CLASP2: variants seen among roughly 807,000 people sequenced by gnomAD.
The protein encoded by CLASP2 is CLIP-associating protein 2.
Under a neutral mutation model 194.4 loss-of-function variants are expected in CLASP2, and 47 were observed. The ratio of observed to expected loss-of-function variants is 0.24; its 90% CI spans 0.19 to 0.31. CLASP2 has a LOEUF of 0.31. CLASP2 is among the 10% of genes least tolerant of loss of function. The probability of loss-of-function intolerance (pLI) is 1.00; values close to 1 mark genes in which losing one functional copy is unlikely to be tolerated. For synonymous variants in CLASP2, 619 were observed against 633.5 expected (o/e 0.98, Z 0.34); for missense variants, 1,445 against 1,823.6 (o/e 0.79, Z 3.78).
intron 12 of CLASP2, among the ~76,000 whole-genome samples, chr3:33,617,250 G>C (rs1181356113): frequency 6.6e-6 from 1 of 151,766 alleles, no homozygotes; most frequent in Non-Finnish European, 1.5e-5. Context: ...TTTTTTAACA[G>C]GAAAGGACAA....
intron 6 of CLASP2, among the ~76,000 whole-genome samples, chr3:33,675,069 C>G (rs2088249390): frequency 6.6e-6 from 1 of 152,166 alleles, no homozygotes; most frequent in African/African-American, 2.4e-5. Flanking sequence ...AAGAGGGAAT[C>G]CTCCCTAACT....
At chr3:33,564,018 T>C (rs2062225983) in intron 27 of CLASP2, 1 of 430,748 alleles carries the variant, frequency 2.3e-6, no homozygotes, top group Non-Finnish European at 4.6e-6. Context: ...GGATTGCAAG[T>C]CAGGGCCACT....
intron 28 of CLASP2, among the ~76,000 whole-genome samples, chr3:33,560,492 C>T (rs1276409976): frequency 6.6e-5 from 10 of 152,164 alleles, no homozygotes; most frequent in Admixed American, 5.2e-4. Context: ...ATCTGCCTGC[C>T]TCAGCCTCCC....
intron 1 of CLASP2, among the ~76,000 whole-genome samples, chr3:33,708,154 GT>G (rs1191729633): frequency 1.3e-5 from 2 of 151,888 alleles, no homozygotes; most frequent in East Asian, 3.9e-4. Context: ...TGTGCATTAG[GT>G]TTCCAGAACT....
Position 33,517,893 on chromosome 3 carries a change from A to T in CLASP2, c.3788-719T>A, listed in dbSNP as rs144947449. On this transcript the variant is annotated intron_variant, in intron 34 of 38. Transcript: ENST00000682230. The stretch of plus-strand genomic sequence containing the variant: ...AGTCTGGAACTCCTGGGCTCAAGTG[A>T]TCTACTGGCCTCCCAAAGTGTTGGG... 3.3e-3 allele frequency among the ~76,000 whole-genome samples: 509 copies of T among 152,192 alleles called. 1 individual carries two copies. Among genetic ancestry groups the T allele is most frequent in the Non-Finnish European group, 5.8e-3 (395 of 68,006 alleles).
intron 30 of CLASP2, among the ~76,000 whole-genome samples, chr3:33,550,691 C>A (rs1028162893): frequency 2.6e-5 from 4 of 150,956 alleles, no homozygotes; most frequent in African/African-American, 9.7e-5. Context: ...AAATTATCAA[C>A]TCCAGGAAAA....
At chr3:33,672,830 GA>G (rs2087634358) in intron 6 of CLASP2, among the ~76,000 whole-genome samples, 2 of 152,188 alleles carry the variant, frequency 1.3e-5, no homozygotes. Flanking sequence ...TCAACTGGAA[GA>G]AAGGGTATCA....
chr3:33,604,123 GGT>G lies in CLASP2; in HGVS notation c.1750+29_1750+30del, dbSNP rs1327780860. 4 of 1,481,638 alleles carry G rather than the reference GGT, an allele frequency of 2.7e-6. No homozygotes were observed. In the Admixed American group the frequency reaches 8.0e-5, roughly 30 times the overall value. The allele number at this position is 1,481,638 out of a possible 1,614,324, so 91.8% of individuals were successfully genotyped here. On this transcript the variant is annotated intron_variant, in intron 17 of 38. Transcript: ENST00000682230. ...AGGCTACTGTTTCAAAGATAAAATA[GGT>G]TATAACTCTTATTTAAAGAGAAAAT...
At chr3:33,678,955 T>G (rs988713420) in intron 6 of CLASP2, among the ~76,000 whole-genome samples, 2 of 152,134 alleles carry the variant, frequency 1.3e-5, no homozygotes, top group African/African-American at 4.8e-5. Context: ...AGATCTAGAA[T>G]AGCTAACACA....
chr3:33,682,114 G>A (rs961183838), intron 6 of CLASP2, among the ~76,000 whole-genome samples: 4 of 152,030 alleles, frequency 2.6e-5, no homozygotes, highest in African/African-American at 9.7e-5. Flanking sequence ...CCAAATAAAC[G>A]TCTTTTCTTT....
intron 27 of CLASP2, among the ~76,000 whole-genome samples, chr3:33,565,093 G>A (rs1208517243): frequency 6.6e-6 from 1 of 152,094 alleles, no homozygotes; most frequent in Non-Finnish European, 1.5e-5. Flanking sequence ...TCAAGGTGAA[G>A]ATGACAATAA....
At position 33,608,637 on chromosome 3, in the gene CLASP2, A is replaced by T. The variant is rs556713874; in HGVS notation, c.1389-11T>A. 73 of 1,583,172 alleles carry T rather than the reference A, an allele frequency of 4.6e-5. No homozygotes were observed. Among genetic ancestry groups the T allele is most frequent in the Middle Eastern group, 3.3e-4 (2 of 6,004 alleles). ...AATTCAAATGAACGTCTGAAAAATA[A>T]AAGTTGAATGATAACTAAATGTTGT... On this transcript the variant is annotated splice_polypyrimidine_tract_variant and intron_variant, in intron 13 of 38. Transcript: ENST00000682230.
intron 25 of CLASP2, among the ~76,000 whole-genome samples, chr3:33,571,539 G>T (rs898625645): frequency 6.6e-6 from 1 of 151,768 alleles, no homozygotes; most frequent in Non-Finnish European, 1.5e-5. Context: ...GGAGGCTGAG[G>T]CAGGAAAATT....
chr3:33,510,671 C>T lies in CLASP2; in HGVS notation c.4204G>A (p.Ala1402Thr), dbSNP rs1392697482. ...IKVLCPIIQT[A>T]DYPINLAAIK... Reference sequence around the variant, plus strand: ...GCAGCCAGATTAATTGGGTAGTCTGCAGTTTGAATGATAGGACAAAGCACT... The same window carrying T: ...GCAGCCAGATTAATTGGGTAGTCTGTAGTTTGAATGATAGGACAAAGCACT... Residue 1402 changes from alanine (A) to threonine (T), a missense_variant, in exon 37 of 39, where the codon GCA (alanine) becomes ACA (threonine). By Grantham distance (58) the Ala-to-Thr change is moderately conservative. Coordinates refer to ENST00000682230, the MANE Select transcript of CLASP2 (RefSeq NM_001365631.1). 6.2e-7 allele frequency: 1 copy of T among 1,613,752 alleles called. No individual in the cohort carries two copies. The highest frequency in any genetic ancestry group is 2.2e-5 in the East Asian group (1 of 44,868).
chr3:33,712,835 G>A (rs1042086909), intron 1 of CLASP2, among the ~76,000 whole-genome samples: 3 of 151,824 alleles, frequency 2.0e-5, no homozygotes, highest in African/African-American at 7.3e-5. Flanking sequence ...GGTGGTGCGT[G>A]CCTGTAATCC....
chr3:33,614,296 C>A (rs1460307521), intron 12 of CLASP2, among the ~76,000 whole-genome samples: 2 of 152,088 alleles, frequency 1.3e-5, no homozygotes, highest in Non-Finnish European at 2.9e-5. Context: ...TCCTTACATA[C>A]AGCTGTTAAG....
intron 32 of CLASP2, among the ~76,000 whole-genome samples, chr3:33,540,090 G>C (rs1559929441): frequency 6.6e-6 from 1 of 151,382 alleles, no homozygotes; most frequent in East Asian, 1.9e-4. Context: ...CACCACATCA[G>C]GCTAATTTTT....
intron 29 of CLASP2, among the ~76,000 whole-genome samples, chr3:33,557,512 T>G (rs954207684): frequency 2.0e-5 from 3 of 152,062 alleles, no homozygotes; most frequent in Admixed American, 6.6e-5. Context: ...GCTAGGACTA[T>G]AGGCATGAAC....
intron 26 of CLASP2, among the ~76,000 whole-genome samples, chr3:33,570,291 G>C (rs1401537693): frequency 6.6e-6 from 1 of 152,102 alleles, no homozygotes; most frequent in East Asian, 1.9e-4. Flanking sequence ...ACCACATTTT[G>C]TGCCTTTGTG....
Sources: gnomAD v4.1 joint callset for allele counts (sites outside exome capture counted in the v4.1 genomes callset) on GRCh38, gnomAD v4.1.1 for gene constraint, MANE v1.5 for transcripts, NCBI Gene and HGNC (gene_info 2026-07-23, HGNC 2026-07-21) for gene names.